SDC2: variants seen among roughly 807,000 people sequenced by gnomAD.
SDC2 encodes the protein syndecan-2.
A neutral mutation model predicts 22.2 loss-of-function variants in SDC2; 13 were observed. That is an observed-to-expected ratio of 0.59 (90% CI 0.38 to 0.93). The LOEUF is 0.93. SDC2 is among the 40% of genes least tolerant of loss of function. The probability of loss-of-function intolerance (pLI) is 0.00; values close to 1 mark genes in which losing one functional copy is unlikely to be tolerated. For synonymous variants in SDC2, 94 were observed against 92.8 expected (o/e 1.01, Z -0.07); for missense variants, 235 against 246.8 (o/e 0.95, Z 0.32).
At chr8:96,518,575 T>G (rs939354792) in intron 1 of SDC2, among the ~76,000 whole-genome samples, 1 of 152,062 alleles carries the variant, frequency 6.6e-6, no homozygotes, top group Non-Finnish European at 1.5e-5. Flanking sequence ...GGCCAGATGG[T>G]CTTGATTTCT....
At chr8:96,544,227 T>A (rs1813896800) in intron 1 of SDC2, among the ~76,000 whole-genome samples, 2 of 152,320 alleles carry the variant, frequency 1.3e-5, no homozygotes, top group South Asian at 2.1e-4. Context: ...GGATGTGTAC[T>A]TACCTATCTG....
At chr8:96,602,583 T>C (rs1323699168) in intron 3 of SDC2, 55 bp downstream of exon 3, 2 of 1,587,338 alleles carry the variant, frequency 1.3e-6, no homozygotes, top group South Asian at 1.1e-5. Context: ...ATGCTTCACT[T>C]TACTGACTGT....
chr8:96,517,857 G>C (rs1358778728), intron 1 of SDC2, among the ~76,000 whole-genome samples: 1 of 151,644 alleles, frequency 6.6e-6, no homozygotes, highest in Admixed American at 6.6e-5. Context: ...CCTTAATTTA[G>C]GTGATTAGGG....
chr8:96,544,826 C>T, intron 1 of SDC2, among the ~76,000 whole-genome samples: 1 of 152,120 alleles, frequency 6.6e-6, no homozygotes, highest in East Asian at 1.9e-4. Flanking sequence ...TACAGAGAAC[C>T]TTATATTGGT....
chr8:96,593,717 A>G, intron 2 of SDC2, 126 bp downstream of exon 2: 1 of 621,866 alleles, frequency 1.6e-6, no homozygotes, highest in Non-Finnish European at 2.9e-6. Context: ...TTTGGAATCA[A>G]AGGGCCTGGG....
chr8:96,517,353 GT>G (rs1248473082), intron 1 of SDC2, among the ~76,000 whole-genome samples: 5 of 152,118 alleles, frequency 3.3e-5, no homozygotes, highest in Non-Finnish European at 1.5e-5. Flanking sequence ...AAACTTATCA[GT>G]TTTTTTCTTT....
rs779175512 is a variant in SDC2, at chr8:96,602,087, C to T, written c.173-308C>T. Among the ~76,000 whole-genome samples the T allele has an allele frequency of 2.0e-5, 3 of 151,906 alleles. No individual in the cohort carries two copies. In the South Asian group the frequency reaches 6.2e-4, roughly 31 times the overall value. ...GTGTTCTTAAAATGGAAATGGAGCA[C>T]GTTTCAGTGTAGATGGGAAAAAATC... On this transcript the variant is annotated intron_variant, in intron 2 of 4. Coordinates refer to ENST00000302190, the MANE Select transcript of SDC2 (RefSeq NM_002998.4).
In SDC2 at chr8:96,556,936, C is replaced by G. The variant is rs1251390275; in HGVS notation, c.61-36544C>G. On this transcript the variant is annotated intron_variant, in intron 1 of 4. Coordinates refer to ENST00000302190, the MANE Select transcript of SDC2 (RefSeq NM_002998.4). ...CTCAAACAAATTTACAAGAAAAAAA[C>G]AAACAACCCCATCAAAAAGTGGGCG... 2.0e-5 allele frequency among the ~76,000 whole-genome samples: 3 copies of G among 150,724 alleles called. No homozygotes were observed. In the East Asian group the frequency reaches 5.9e-4, roughly 29 times the overall value.
intron 1 of SDC2, among the ~76,000 whole-genome samples, chr8:96,506,750 G>A (rs1164150011): frequency 6.6e-6 from 1 of 152,140 alleles, no homozygotes; most frequent in Non-Finnish European, 1.5e-5. Flanking sequence ...GGTGGCTCAC[G>A]CCTGTAATCC....
chr8:96,541,809 A>G (rs376605957), intron 1 of SDC2, among the ~76,000 whole-genome samples: 6 of 152,334 alleles, frequency 3.9e-5, no homozygotes, highest in East Asian at 1.9e-4. Flanking sequence ...ATTTAATGCA[A>G]TTGAACTATA....
At chr8:96,589,453 C>G (rs951110649) in intron 1 of SDC2, among the ~76,000 whole-genome samples, 4 of 152,166 alleles carry the variant, frequency 2.6e-5, no homozygotes, top group Non-Finnish European at 4.4e-5. Flanking sequence ...TGCTCTGTCT[C>G]CCAGGCTGGA....
intron 1 of SDC2, among the ~76,000 whole-genome samples, chr8:96,593,042 A>G (rs1362185633): frequency 6.6e-6 from 1 of 152,234 alleles, no homozygotes; most frequent in African/African-American, 2.4e-5. Context: ...CTGGGTGATT[A>G]TTTAGCCTAA....
chr8:96,598,479 G>A (rs570466715), intron 2 of SDC2, among the ~76,000 whole-genome samples: 18 of 152,140 alleles, frequency 1.2e-4, no homozygotes, highest in Non-Finnish European at 2.5e-4. Flanking sequence ...TCAGCCAGGC[G>A]TGGTGGCGCA....
chr8:96,576,393 TACCAGATTTGCTTTATTATTCTC>T (rs1563667844), intron 1 of SDC2, among the ~76,000 whole-genome samples: 21 of 91,726 alleles, frequency 2.3e-4, no homozygotes, highest in African/African-American at 6.2e-4. Flanking sequence ...TGTTTTTTTT[TACCAGATTTGCTTTATTATTCTC>T]TTTTTTTTTT....
chr8:96,581,023 G>T (rs148296563), intron 1 of SDC2, among the ~76,000 whole-genome samples: 5 of 152,142 alleles, frequency 3.3e-5, no homozygotes, highest in African/African-American at 1.2e-4. Flanking sequence ...AAATTCCTGA[G>T]ATGATCTATT....
At chr8:96,609,202 C>G (rs1815135262) in intron 4 of SDC2, among the ~76,000 whole-genome samples, 183 bp from the exon 5 acceptor site, 1 of 152,110 alleles carries the variant, frequency 6.6e-6, no homozygotes, top group African/African-American at 2.4e-5. Flanking sequence ...AATTACTGTA[C>G]CTTCCTGAGG....
At chr8:96,565,097 T>TTTTTTTTTTTTTTTTTTTTTTG (rs1329448270) in intron 1 of SDC2, among the ~76,000 whole-genome samples, 5 of 128,642 alleles carry the variant, frequency 3.9e-5, no homozygotes, top group African/African-American at 1.6e-4. Flanking sequence ...TTTTTTTTTT[T>TTTTTTTTTTTTTTTTTTTTTTG]TTGTTGAGAT....
chr8:96,503,859 T>G (rs988961585), intron 1 of SDC2, among the ~76,000 whole-genome samples: 2 of 152,162 alleles, frequency 1.3e-5, no homozygotes, highest in African/African-American at 4.8e-5. Flanking sequence ...TTTTAGGAGG[T>G]TAGCATCACT....
intron 1 of SDC2, among the ~76,000 whole-genome samples, chr8:96,510,999 C>T (rs1217467667): frequency 6.6e-6 from 1 of 152,104 alleles, no homozygotes; most frequent in East Asian, 1.9e-4. Flanking sequence ...GCCAGTGGTT[C>T]TCGAAGTAGG....
Sources: allele counts gnomAD v4.1 joint callset (sites outside exome capture counted in the v4.1 genomes callset), GRCh38; gene constraint gnomAD v4.1.1; transcripts MANE v1.5; gene names NCBI Gene and HGNC (gene_info 2026-07-23, HGNC 2026-07-21).